The following ORC4 variants were observed in gnomAD, a reference collection of about 807,000 sequenced individuals.
The protein encoded by ORC4 is origin recognition complex, subunit 4 homolog.
In ORC4, 55 loss-of-function variants were observed where a neutral mutation model predicts 63.9. That is an observed-to-expected ratio of 0.86 (90% CI 0.69 to 1.08). The LOEUF is 1.08. Ranked by LOEUF, ORC4 falls within the 50% of genes least tolerant of loss-of-function variation. The pLI is 0.00. For synonymous variants in ORC4, 150 were observed against 168.5 expected (o/e 0.89, Z 0.85); for missense variants, 511 against 504.4 (o/e 1.01, Z -0.13).
At chr2:147,975,481 G>A (rs1267285497) in intron 2 of ORC4, among the ~76,000 whole-genome samples, 1 of 135,828 alleles carries the variant, frequency 7.4e-6, no homozygotes, top group African/African-American at 2.8e-5. Context: ...GAAAGTTCAA[G>A]CCAGGGCAAT....
chr2:147,961,807 C>T (rs963350353), intron 4 of ORC4, among the ~76,000 whole-genome samples: 3 of 152,100 alleles, frequency 2.0e-5, no homozygotes, highest in African/African-American at 7.2e-5. Context: ...CTGATAAATA[C>T]TATGATTTAA....
At chr2:147,955,943 TATATC>T (rs1181012183) in intron 6 of ORC4, among the ~76,000 whole-genome samples, 1 of 152,056 alleles carries the variant, frequency 6.6e-6, no homozygotes, top group Non-Finnish European at 1.5e-5. Context: ...AGAATTTATG[TATATC>T]ATATCATGTT....
intron 6 of ORC4, among the ~76,000 whole-genome samples, chr2:147,956,244 C>G: frequency 6.6e-6 from 1 of 152,046 alleles, no homozygotes; most frequent in East Asian, 1.9e-4. Flanking sequence ...GGTTTTAAAA[C>G]TTTCACATAT....
intron 2 of ORC4, among the ~76,000 whole-genome samples, chr2:147,975,090 A>G (rs1310910506): frequency 6.6e-6 from 1 of 152,184 alleles, no homozygotes; most frequent in Non-Finnish European, 1.5e-5. Flanking sequence ...AAGAAAGCCA[A>G]GTCGTATAAA....
chr2:148,017,843 G>C (rs1446419889), intron 1 of ORC4, among the ~76,000 whole-genome samples: 2 of 152,168 alleles, frequency 1.3e-5, no homozygotes, highest in African/African-American at 2.4e-5. Flanking sequence ...CAGTTCCTCA[G>C]TCATACTAGC....
At chr2:148,014,994 T>C (rs909926254) in intron 1 of ORC4, among the ~76,000 whole-genome samples, 1 of 151,826 alleles carries the variant, frequency 6.6e-6, no homozygotes, top group Non-Finnish European at 1.5e-5. Context: ...ATATCACCAA[T>C]ATCTTTAAAA....
At chr2:147,964,236 C>T (rs201114698) in intron 4 of ORC4, among the ~76,000 whole-genome samples, 3 of 151,756 alleles carry the variant, frequency 2.0e-5, no homozygotes, top group Admixed American at 6.6e-5. Context: ...ACTTGTGATT[C>T]GAATAAGAAA....
chr2:147,954,446 C>T (rs981269318), intron 7 of ORC4, among the ~76,000 whole-genome samples: 24 of 152,046 alleles, frequency 1.6e-4, no homozygotes, highest in African/African-American at 5.1e-4. Flanking sequence ...AGGCTATGAA[C>T]CTATGAGCAT....
At chr2:147,983,735 G>A (rs1691024327) in intron 1 of ORC4, among the ~76,000 whole-genome samples, 1 of 152,202 alleles carries the variant, frequency 6.6e-6, no homozygotes, top group African/African-American at 2.4e-5. Context: ...ATGTCCAGAT[G>A]TTGTGCATGA....
intron 1 of ORC4, among the ~76,000 whole-genome samples, chr2:147,996,302 C>CA (rs1201979117): frequency 6.6e-6 from 1 of 151,782 alleles, no homozygotes; most frequent in Non-Finnish European, 1.5e-5. Context: ...GACTCCATCT[C>CA]AAAAAACAAA....
chr2:147,946,664 C>G (rs1252009128), intron 9 of ORC4, among the ~76,000 whole-genome samples: 1 of 151,916 alleles, frequency 6.6e-6, no homozygotes, highest in Non-Finnish European at 1.5e-5. Context: ...GGCATAATAT[C>G]TGAATTTTAA....
intron 10 of ORC4, among the ~76,000 whole-genome samples, chr2:147,941,416 T>C (rs1224770262): frequency 2.0e-5 from 3 of 152,058 alleles, no homozygotes; most frequent in Non-Finnish European, 2.9e-5. Flanking sequence ...CATATTTACA[T>C]TGGCAGCAGC....
chr2:148,012,541 A>G (rs1183561686), intron 1 of ORC4, among the ~76,000 whole-genome samples: 1 of 152,204 alleles, frequency 6.6e-6, no homozygotes, highest in Non-Finnish European at 1.5e-5. Flanking sequence ...GACTTCTTAA[A>G]TAAGACCTCA....
At chr2:147,960,109 T>A (rs1689504785) in intron 4 of ORC4, 1 of 282,190 alleles carries the variant, frequency 3.5e-6, no homozygotes, top group Non-Finnish European at 5.3e-6. Flanking sequence ...CAATGTTTTA[T>A]GTTTTGATGA....
At chr2:148,007,527 G>A (rs1341143464) in intron 1 of ORC4, among the ~76,000 whole-genome samples, 1 of 152,022 alleles carries the variant, frequency 6.6e-6, no homozygotes. Flanking sequence ...ACAGTCAGAA[G>A]AGAAAAAATA....
intron 10 of ORC4, among the ~76,000 whole-genome samples, chr2:147,940,233 A>G (rs1247523220): frequency 2.0e-5 from 3 of 152,042 alleles, no homozygotes; most frequent in Non-Finnish European, 4.4e-5. Context: ...ATTTGGTTAC[A>G]TGAGTAAGTT....
intron 8 of ORC4, chr2:147,951,418 T>G (rs1275765383): frequency 1.3e-5 from 2 of 152,218 alleles, no homozygotes; most frequent in African/African-American, 4.8e-5. Flanking sequence ...GAGTGGACCC[T>G]CATAAATAGA....
intron 1 of ORC4, among the ~76,000 whole-genome samples, chr2:147,980,923 T>C (rs572949396): frequency 1.3e-5 from 2 of 152,264 alleles, no homozygotes; most frequent in East Asian, 3.9e-4. Context: ...CTCACTCCCA[T>C]ATACACTCCA....
chr2:147,988,399 G>A (rs190423432), intron 1 of ORC4, among the ~76,000 whole-genome samples: 9 of 150,086 alleles, frequency 6.0e-5, no homozygotes, highest in South Asian at 2.1e-4. Flanking sequence ...TCGCTCTGTC[G>A]CCCTGGTGGG....
Sources: gnomAD v4.1 joint callset for allele counts (sites outside exome capture counted in the v4.1 genomes callset) on GRCh38, gnomAD v4.1.1 for gene constraint, MANE v1.5 for transcripts, NCBI Gene and HGNC (gene_info 2026-07-23, HGNC 2026-07-21) for gene names.